The following RIMS2 variants were observed in gnomAD, a reference collection of about 807,000 sequenced individuals.
RIMS2 encodes the protein regulating synaptic membrane exocytosis 2.
Under a neutral mutation model 174.4 loss-of-function variants are expected in RIMS2, and 59 were observed. That is an observed-to-expected ratio of 0.34 (90% CI 0.27 to 0.42). RIMS2 has a LOEUF of 0.42. RIMS2 is among the 10% of genes least tolerant of loss of function. The probability of loss-of-function intolerance (pLI) is 1.00; values close to 1 mark genes in which losing one functional copy is unlikely to be tolerated. For missense variants in RIMS2, 1,620 were observed against 1,666.3 expected (o/e 0.97, Z 0.48); for synonymous variants, 606 against 572.5 (o/e 1.06, Z -0.84).
chr8:104,094,758 CA>C (rs1401219222), intron 19 of RIMS2: 17 of 636,140 alleles, frequency 2.7e-5, no homozygotes, highest in Non-Finnish European at 3.4e-5. Context: ...AGGCATTTCC[CA>C]TTAGTAATGT....
intron 1 of RIMS2, among the ~76,000 whole-genome samples, chr8:103,692,012 T>C (rs1023752145): frequency 6.6e-6 from 1 of 152,196 alleles, no homozygotes; most frequent in Non-Finnish European, 1.5e-5. Context: ...AGGCAGAGAC[T>C]CTTGTTCTCT....
intron 1 of RIMS2, among the ~76,000 whole-genome samples, chr8:103,662,327 C>T (rs1006925840): frequency 6.6e-6 from 1 of 152,158 alleles, no homozygotes; most frequent in African/African-American, 2.4e-5. Context: ...AGGAAGTTTA[C>T]AGTTAACGAC....
In RIMS2 at chr8:103,928,008, A is replaced by G. The variant is rs997734696; in HGVS notation, c.2244+119A>G. ...TATGTTGCTCCAAATCATATTATTG[A>G]CTTTCAAATCATTTTATTAGCCAGC... On this transcript the variant is annotated intron_variant, in intron 11 of 23. Coordinates refer to ENST00000504942, the Ensembl canonical transcript of RIMS2. 8 of 716,382 alleles carry G rather than the reference A, an allele frequency of 1.1e-5. No homozygotes were observed. The Admixed American group carries it at 1.3e-4, about 12-fold the overall frequency. The allele number at this position is 716,382 out of a possible 1,614,324, so 44.4% of individuals were successfully genotyped here.
intron 2 of RIMS2, among the ~76,000 whole-genome samples, chr8:103,725,620 T>A (rs1465143539): frequency 6.6e-6 from 1 of 152,232 alleles, no homozygotes; most frequent in African/African-American, 2.4e-5. Flanking sequence ...TCCATTTTTC[T>A]GTTGCAGGAC....
intron 19 of RIMS2, among the ~76,000 whole-genome samples, chr8:104,238,584 G>T (rs1264575641): frequency 6.6e-6 from 1 of 152,060 alleles, no homozygotes; most frequent in Non-Finnish European, 1.5e-5. Context: ...AAAGGAGCAA[G>T]ATGGAAGAGA....
chr8:103,675,731 A>T (rs1260257532), intron 1 of RIMS2, among the ~76,000 whole-genome samples: 1 of 151,528 alleles, frequency 6.6e-6, no homozygotes, highest in Non-Finnish European at 1.5e-5. Flanking sequence ...ACAATTTTAA[A>T]ACTCCTTTTT....
At chr8:104,175,172 G>C (rs541760817) in intron 19 of RIMS2, among the ~76,000 whole-genome samples, 103 of 152,092 alleles carry the variant, frequency 6.8e-4, no homozygotes, top group Non-Finnish European at 1.3e-3. Flanking sequence ...TGTGTTATCT[G>C]CTAAAATATA....
intron 19 of RIMS2, among the ~76,000 whole-genome samples, chr8:104,117,572 C>T (rs1181947274): frequency 1.3e-5 from 2 of 152,136 alleles, no homozygotes; most frequent in East Asian, 3.9e-4. Flanking sequence ...AAATCCTGGC[C>T]TCAAGCAATC....
chr8:103,963,309 A>G (rs1259074102), intron 15 of RIMS2, among the ~76,000 whole-genome samples: 1 of 152,164 alleles, frequency 6.6e-6, no homozygotes, highest in East Asian at 1.9e-4. Flanking sequence ...GAGTCAACAA[A>G]CCAGCAAAAT....
At chr8:103,717,898 GGCT>G (rs1243113899) in intron 2 of RIMS2, among the ~76,000 whole-genome samples, 7 of 152,088 alleles carry the variant, frequency 4.6e-5, no homozygotes. Context: ...CTTGAAAAGT[GGCT>G]GGTTGACTGA....
At chr8:103,780,370 A>T (rs1355242300) in intron 3 of RIMS2, among the ~76,000 whole-genome samples, 1 of 152,120 alleles carries the variant, frequency 6.6e-6, no homozygotes, top group Non-Finnish European at 1.5e-5. Context: ...AGACACAAAT[A>T]ATTCTTAGAT....
chr8:103,899,589 G>T (rs1324545742), intron 4 of RIMS2, among the ~76,000 whole-genome samples: 1 of 151,556 alleles, frequency 6.6e-6, no homozygotes, highest in Non-Finnish European at 1.5e-5. Flanking sequence ...TTGTAAATTT[G>T]TTTGAGTTCT....
intron 1 of RIMS2, among the ~76,000 whole-genome samples, chr8:103,594,960 T>G (rs1381092348): frequency 6.6e-6 from 1 of 151,812 alleles, no homozygotes; most frequent in Non-Finnish European, 1.5e-5. Context: ...CTGAGGTAAA[T>G]TTTTGCCAAT....
chr8:104,060,051 C>G (rs1182666525), intron 19 of RIMS2, among the ~76,000 whole-genome samples: 2 of 151,786 alleles, frequency 1.3e-5, no homozygotes, highest in Non-Finnish European at 2.9e-5. Flanking sequence ...TGTGTCTCTG[C>G]CCGGCTTTGG....
At chr8:103,791,034 A>G (rs546737595) in intron 3 of RIMS2, among the ~76,000 whole-genome samples, 2 of 152,198 alleles carry the variant, frequency 1.3e-5, no homozygotes, top group Non-Finnish European at 2.9e-5. Context: ...CAACCTAGCA[A>G]GGCAGGCCAA....
intron 1 of RIMS2, among the ~76,000 whole-genome samples, chr8:103,628,190 G>C (rs2095831535): frequency 6.6e-6 from 1 of 151,922 alleles, no homozygotes; most frequent in Admixed American, 6.6e-5. Flanking sequence ...AGACAAGTTG[G>C]GTATGCACAC....
At chr8:103,712,059 A>G (rs1349906111) in intron 2 of RIMS2, among the ~76,000 whole-genome samples, 1 of 151,768 alleles carries the variant, frequency 6.6e-6, no homozygotes, top group Non-Finnish European at 1.5e-5. Flanking sequence ...AGGCACAATC[A>G]CAGCTCACTG....
chr8:104,076,035 A>T (rs1439589191), intron 19 of RIMS2, among the ~76,000 whole-genome samples: 2 of 152,174 alleles, frequency 1.3e-5, no homozygotes, highest in African/African-American at 4.8e-5. Flanking sequence ...CATCACCCTG[A>T]GGTATTTCCT....
At chr8:103,821,889 AT>A (rs1311141576) in intron 3 of RIMS2, among the ~76,000 whole-genome samples, 11 of 151,570 alleles carry the variant, frequency 7.3e-5, no homozygotes, top group African/African-American at 2.7e-4. Context: ...AAGAATTTAG[AT>A]TTTTTTTCTG....
Sources: allele counts gnomAD v4.1 joint callset (sites outside exome capture counted in the v4.1 genomes callset), GRCh38; gene constraint gnomAD v4.1.1; transcripts MANE v1.5; gene names NCBI Gene and HGNC (gene_info 2026-07-23, HGNC 2026-07-21).